Variants in MOB3B observed in about 807,000 individuals in gnomAD.
The protein encoded by MOB3B is MOB kinase activator-like 2B.
In MOB3B, 7 loss-of-function variants were observed where a neutral mutation model predicts 18.7. The ratio of observed to expected loss-of-function variants is 0.37; its 90% CI spans 0.21 to 0.70. The LOEUF (loss-of-function observed/expected upper bound fraction) is 0.70. Ranked by LOEUF, MOB3B falls within the 30% of genes least tolerant of loss-of-function variation. The pLI is 0.52. For synonymous variants in MOB3B, 111 were observed against 99.9 expected (o/e 1.11, Z -0.66); for missense variants, 253 against 281.3 (o/e 0.90, Z 0.72).
chr9:27,505,506 G>A (rs1449866011), intron 1 of MOB3B, among the ~76,000 whole-genome samples: 1 of 152,204 alleles, frequency 6.6e-6, no homozygotes, highest in African/African-American at 2.4e-5. Context: ...CTGCAGTAAA[G>A]AAATCTCTTT....
intron 1 of MOB3B, among the ~76,000 whole-genome samples, chr9:27,456,802 A>G (rs1470082332): frequency 2.0e-5 from 3 of 152,232 alleles, no homozygotes; most frequent in African/African-American, 7.2e-5. Flanking sequence ...ACATGTGGCT[A>G]TTGAGCATTT....
At chr9:27,527,839 T>C (rs1820459357) in intron 1 of MOB3B, among the ~76,000 whole-genome samples, 1 of 152,218 alleles carries the variant, frequency 6.6e-6, no homozygotes, top group African/African-American at 2.4e-5. Context: ...GTAGCTACTT[T>C]GCTTTTGCCC....
chr9:27,336,456 A>G (rs1464635763), intron 3 of MOB3B, among the ~76,000 whole-genome samples: 3 of 152,126 alleles, frequency 2.0e-5, no homozygotes, highest in Admixed American at 2.0e-4. Flanking sequence ...AAAAATAATC[A>G]AGGAAGAAAA....
intron 2 of MOB3B, among the ~76,000 whole-genome samples, chr9:27,420,841 G>C (rs1822239123): frequency 1.5e-5 from 2 of 130,122 alleles, no homozygotes; most frequent in South Asian, 6.4e-4. Context: ...ATATGGTGCA[G>C]TGTATACTGC....
At chr9:27,526,091 C>T (rs1032003654) in intron 1 of MOB3B, 2 of 152,154 alleles carry the variant, frequency 1.3e-5, no homozygotes, top group Non-Finnish European at 2.9e-5. Context: ...TGAAATGTAC[C>T]TGGTTCTGCC....
intron 1 of MOB3B, among the ~76,000 whole-genome samples, chr9:27,491,012 C>A (rs1819808872): frequency 2.0e-5 from 3 of 149,990 alleles, no homozygotes; most frequent in African/African-American, 2.5e-5. Context: ...ATAAAGGATA[C>A]CAGGACAGAG....
intron 2 of MOB3B, among the ~76,000 whole-genome samples, chr9:27,380,262 ATT>A (rs551179750): frequency 0.2 from 26,937 of 135,100 alleles, 2,537 homozygotes; most frequent in Non-Finnish European, 0.21. Context: ...AAGAGATAGG[ATT>A]TTTTTTTTTT....
chr9:27,479,836 G>A (rs73437148), intron 1 of MOB3B, among the ~76,000 whole-genome samples: 22 of 152,320 alleles, frequency 1.4e-4, no homozygotes, highest in Admixed American at 9.8e-4. Context: ...CAGGAGGTTT[G>A]CTTCAGGCCA....
intron 2 of MOB3B, among the ~76,000 whole-genome samples, chr9:27,429,077 T>C (rs1268723922): frequency 6.6e-6 from 1 of 152,196 alleles, no homozygotes; most frequent in African/African-American, 2.4e-5. Flanking sequence ...CCCCCATAAG[T>C]CTTTAGGAGA....
At chr9:27,347,004 A>T (rs1821038869) in intron 3 of MOB3B, among the ~76,000 whole-genome samples, 1 of 152,236 alleles carries the variant, frequency 6.6e-6, no homozygotes, top group African/African-American at 2.4e-5. Flanking sequence ...TCAAAATAAA[A>T]TAAAATAAAC....
intron 1 of MOB3B, among the ~76,000 whole-genome samples, chr9:27,456,900 C>T (rs924722556): frequency 5.3e-5 from 8 of 152,162 alleles, no homozygotes; most frequent in Non-Finnish European, 1.2e-4. Flanking sequence ...TCACAGCTAC[C>T]ACACTGGATG....
chr9:27,435,320 C>A (rs750632982), intron 2 of MOB3B, among the ~76,000 whole-genome samples: 28 of 152,174 alleles, frequency 1.8e-4, no homozygotes, highest in Non-Finnish European at 3.5e-4. Context: ...GGGTTTTCCC[C>A]ATGTGTACAT....
chr9:27,483,388 T>C (rs1387677661), intron 1 of MOB3B, among the ~76,000 whole-genome samples: 1 of 152,170 alleles, frequency 6.6e-6, no homozygotes, highest in African/African-American at 2.4e-5. Flanking sequence ...CGCCTCGGCC[T>C]CCCAAAGTGC....
intron 2 of MOB3B, among the ~76,000 whole-genome samples, chr9:27,454,395 G>A (rs190011218): frequency 1.8e-4 from 27 of 152,290 alleles, no homozygotes; most frequent in Admixed American, 7.2e-4. Flanking sequence ...AGGAGATTGC[G>A]GATTCCTATT....
At chr9:27,475,680 G>A (rs760328663) in intron 1 of MOB3B, among the ~76,000 whole-genome samples, 1 of 152,198 alleles carries the variant, frequency 6.6e-6, no homozygotes, top group Non-Finnish European at 1.5e-5. Context: ...ATCCATTCCT[G>A]TAAACTCCAG....
intron 1 of MOB3B, among the ~76,000 whole-genome samples, chr9:27,497,480 T>C (rs1819919548): frequency 6.6e-6 from 1 of 151,982 alleles, no homozygotes; most frequent in African/African-American, 2.4e-5. Flanking sequence ...ATGAGAATAA[T>C]TTCTAGAATT....
At chr9:27,334,336 A>T (rs911949663) in intron 3 of MOB3B, among the ~76,000 whole-genome samples, 1 of 152,074 alleles carries the variant, frequency 6.6e-6, no homozygotes, top group East Asian at 1.9e-4. Context: ...ATATGCATGA[A>T]TTTTTTTCTA....
At chr9:27,365,449 C>G (rs772544300) in intron 2 of MOB3B, among the ~76,000 whole-genome samples, 27 of 148,424 alleles carry the variant, frequency 1.8e-4, no homozygotes, top group Non-Finnish European at 2.4e-4. Context: ...CATTAACCAG[C>G]AGTCCTAACT....
chr9:27,337,699 G>A (rs1820884105), intron 3 of MOB3B, among the ~76,000 whole-genome samples: 1 of 152,218 alleles, frequency 6.6e-6, no homozygotes. Flanking sequence ...GGGCCCATTT[G>A]AAATCCTCTT....
Sources: allele counts gnomAD v4.1 joint callset (sites outside exome capture counted in the v4.1 genomes callset), GRCh38; gene constraint gnomAD v4.1.1; transcripts MANE v1.5; gene names NCBI Gene and HGNC (gene_info 2026-07-23, HGNC 2026-07-21).